Variants in TRIM71 observed in about 807,000 individuals in gnomAD.
TRIM71 encodes the protein E3 ubiquitin-protein ligase TRIM71.
A neutral mutation model predicts 61.2 loss-of-function variants in TRIM71; 9 were observed. That is an observed-to-expected ratio of 0.15 (90% confidence interval 0.09 to 0.26). The LOEUF is 0.26. Among genes scored for constraint, TRIM71 ranks in the 10% least tolerant of loss-of-function variants. The pLI is 1.00. For synonymous variants in TRIM71, 645 were observed against 553.2 expected, an observed-to-expected ratio of 1.17 and a Z score of -2.33; for missense variants, 998 against 1,238.7, an observed-to-expected ratio of 0.81 and a Z score of 2.92.
chr3:32,868,648 T>C (rs1266840434), intron 1 of TRIM71, among the ~76,000 whole-genome samples: 5 of 151,894 alleles, frequency 3.3e-5, no homozygotes, highest in East Asian at 3.8e-4. Flanking sequence ...TTTTTTTTTT[T>C]CATGGTTAAA....
chr3:32,820,615 G>C (rs545215816), intron 1 of TRIM71, among the ~76,000 whole-genome samples: 1 of 152,218 alleles, frequency 6.6e-6, no homozygotes, highest in African/African-American at 2.4e-5. Flanking sequence ...TTCCCCTTCT[G>C]AGAGGTGCTT....
chr3:32,886,956 G>A (rs1696968318), intron 3 of TRIM71, among the ~76,000 whole-genome samples: 1 of 152,234 alleles, frequency 6.6e-6, no homozygotes, highest in East Asian at 1.9e-4. Flanking sequence ...ATTGCTTTCT[G>A]ACAAGAGACT....
At chr3:32,832,448 A>G (rs1051402644) in intron 1 of TRIM71, among the ~76,000 whole-genome samples, 1 of 152,206 alleles carries the variant, frequency 6.6e-6, no homozygotes, top group African/African-American at 2.4e-5. Context: ...AGCCTGGGCA[A>G]CAGAGTGAGA....
chr3:32,887,157 G>A (rs1005001897), intron 3 of TRIM71, among the ~76,000 whole-genome samples: 2 of 152,080 alleles, frequency 1.3e-5, no homozygotes, highest in Non-Finnish European at 2.9e-5. Context: ...CCACAAACTC[G>A]CTCTTCTGGA....
chr3:32,831,124 T>C (rs1376354362), intron 1 of TRIM71, among the ~76,000 whole-genome samples: 1 of 152,072 alleles, frequency 6.6e-6, no homozygotes, highest in Non-Finnish European at 1.5e-5. Context: ...GATGGATTTT[T>C]CCCCACGTTA....
At chr3:32,835,731 G>A (rs1696327831) in intron 1 of TRIM71, among the ~76,000 whole-genome samples, 1 of 152,106 alleles carries the variant, frequency 6.6e-6, no homozygotes, top group Non-Finnish European at 1.5e-5. Flanking sequence ...TTTATCCTAG[G>A]AAGTAACTTT....
intron 1 of TRIM71, among the ~76,000 whole-genome samples, chr3:32,849,769 G>C (rs1476877437): frequency 6.6e-6 from 1 of 152,170 alleles, no homozygotes; most frequent in Non-Finnish European, 1.5e-5. Context: ...GGGTGCATTG[G>C]CTATGGATTC....
rs572933620 is a variant in TRIM71, at chr3:32,848,227, A to G, written c.853-25591A>G. ...GAAATGATAGGTAGATACTTATGCTATACTGTGCGCATGATGAAATGCACA... is the reference window on the plus strand; with the variant it reads ...GAAATGATAGGTAGATACTTATGCTGTACTGTGCGCATGATGAAATGCACA... On this transcript the variant is annotated intron_variant, in intron 1 of 3. Coordinates refer to ENST00000383763, the MANE Select transcript of TRIM71 (RefSeq NM_001039111.3). Among the ~76,000 whole-genome samples the G allele has an allele frequency of 2.0e-5, 3 of 152,340 alleles. No individual in the cohort carries two copies. In the East Asian group the frequency reaches 5.8e-4, roughly 29 times the overall value.
At chr3:32,878,876 A>T (rs986196701) in intron 2 of TRIM71, among the ~76,000 whole-genome samples, 1 of 152,202 alleles carries the variant, frequency 6.6e-6, no homozygotes, top group Non-Finnish European at 1.5e-5. Flanking sequence ...TTCTGTAGCT[A>T]TGAAAGTCCT....
chr3:32,883,544 C>G (rs1269956702), intron 2 of TRIM71, among the ~76,000 whole-genome samples: 1 of 152,214 alleles, frequency 6.6e-6, no homozygotes, highest in East Asian at 1.9e-4. Flanking sequence ...GCACATGACC[C>G]TCTGTGAACA....
intron 1 of TRIM71, among the ~76,000 whole-genome samples, chr3:32,873,430 C>T (rs766898910): frequency 2.0e-5 from 3 of 152,162 alleles, no homozygotes; most frequent in African/African-American, 4.8e-5. Flanking sequence ...TAATATCAGA[C>T]TAGGTAACAC....
chr3:32,818,599 G>T lies in TRIM71; in HGVS notation c.519G>T (p.Pro173=). The part of the protein sequence containing the change: ...SAPPLPQAPQ[P]PAPSRSAPGG... ...CGCCACTCCCGCAGGCGCCGCAGCCGCCCGCGCCTTCCCGCTCGGCACCCG... is the reference window on the plus strand; with the variant it reads ...CGCCACTCCCGCAGGCGCCGCAGCCTCCCGCGCCTTCCCGCTCGGCACCCG... Residue 173 remains proline, a synonymous_variant, in exon 1 of 4, where the codon CCG becomes CCT. Coordinates refer to ENST00000383763, the MANE Select transcript of TRIM71 (RefSeq NM_001039111.3). The T allele has an allele frequency of 7.3e-7, 1 of 1,365,904 alleles. No homozygotes were observed. Among genetic ancestry groups the T allele is most frequent in the Non-Finnish European group, 9.4e-7 (1 of 1,067,186 alleles). 84.6% of individuals were successfully genotyped at this position (1,365,904 alleles called of 1,614,324 possible).
intron 1 of TRIM71, among the ~76,000 whole-genome samples, chr3:32,865,120 G>A (rs1255692958): frequency 2.0e-5 from 3 of 152,032 alleles, no homozygotes; most frequent in African/African-American, 7.2e-5. Context: ...ATGAGGTCAG[G>A]AGATTGAGAC....
At chr3:32,872,989 A>T (rs963930000) in intron 1 of TRIM71, among the ~76,000 whole-genome samples, 5 of 151,914 alleles carry the variant, frequency 3.3e-5, no homozygotes, top group African/African-American at 1.2e-4. Context: ...CCCAGTTTCT[A>T]TGCCAAGGAG....
At chr3:32,866,799 GC>G (rs1305516169) in intron 1 of TRIM71, among the ~76,000 whole-genome samples, 1 of 152,140 alleles carries the variant, frequency 6.6e-6, no homozygotes, top group East Asian at 1.9e-4. Context: ...GGGAGCAGGG[GC>G]TTGCGAGGTG....
Position 32,891,889 on chromosome 3 carries a change from T to TC in TRIM71, c.*78_*79insC. 2.0e-6 allele frequency: 3 copies of TC among 1,518,874 alleles called. No homozygotes were observed. The highest frequency in any genetic ancestry group is 2.6e-6 in the Non-Finnish European group (3 of 1,140,040). 94.1% of individuals were successfully genotyped at this position (1,518,874 alleles called of 1,614,324 possible). Reference sequence around the variant, plus strand: ...CTCTCTCTCTTTCTCTTTCTCTCTCTTTTTGAATTTCAAAGAAGAAACAGT... The same window carrying TC: ...CTCTCTCTCTTTCTCTTTCTCTCTCTCTTTTGAATTTCAAAGAAGAAACAGT... On this transcript the variant is annotated 3_prime_UTR_variant, in exon 4 of 4. Transcript: ENST00000383763. This position sits in a 1 kb window ranked among gnomAD's most constrained non-coding sequence, Gnocchi z 8.2.
chr3:32,847,528 T>C (rs527540361), intron 1 of TRIM71, among the ~76,000 whole-genome samples: 2 of 152,196 alleles, frequency 1.3e-5, no homozygotes, highest in African/African-American at 2.4e-5. Flanking sequence ...CTGAGGAACC[T>C]CTGTGCCCTT....
intron 1 of TRIM71, among the ~76,000 whole-genome samples, chr3:32,822,282 G>A (rs768216680): frequency 6.6e-6 from 1 of 152,174 alleles, no homozygotes; most frequent in Non-Finnish European, 1.5e-5. Flanking sequence ...AGTTAGGCAG[G>A]TCTGGGGGTG....
chr3:32,838,991 G>A (rs1034919049), intron 1 of TRIM71, among the ~76,000 whole-genome samples: 5 of 151,052 alleles, frequency 3.3e-5, no homozygotes, highest in African/African-American at 1.2e-4. Context: ...AATAGAGTCG[G>A]GGTTTCACCA....
Sources: gnomAD v4.1 joint callset for allele counts (sites outside exome capture counted in the v4.1 genomes callset) on GRCh38, gnomAD v4.1.1 for gene constraint, Gnocchi (gnomAD v3.1) non-coding constraint, MANE v1.5 for transcripts, NCBI Gene and HGNC (gene_info 2026-07-23, HGNC 2026-07-21) for gene names.